Variants in TBC1D8 observed in about 807,000 individuals in gnomAD.
The protein encoded by TBC1D8 is TBC1 domain family member 8.
A neutral mutation model predicts 118.8 loss-of-function variants in TBC1D8; 65 were observed. The observed-to-expected ratio is 0.55, with a 90% confidence interval of 0.45 to 0.67. The LOEUF is 0.67. TBC1D8 is among the 30% of genes least tolerant of loss of function. The pLI, the probability that TBC1D8 is intolerant of heterozygous loss-of-function variation, is 0.00. For missense variants in TBC1D8, 1,376 were observed against 1,471.2 expected, an observed-to-expected ratio of 0.94 and a Z score of 1.06; for synonymous variants, 566 against 595.8, an observed-to-expected ratio of 0.95 and a Z score of 0.73.
chr2:101,089,761 T>C (rs551679490), intron 2 of TBC1D8, among the ~76,000 whole-genome samples: 17 of 152,036 alleles, frequency 1.1e-4, no homozygotes, highest in African/African-American at 3.1e-4. Context: ...CCATTATGTG[T>C]ATGCATCCAG....
chr2:101,057,218 T>C (rs1438093759), intron 3 of TBC1D8, among the ~76,000 whole-genome samples: 1 of 152,156 alleles, frequency 6.6e-6, no homozygotes, highest in Non-Finnish European at 1.5e-5. Context: ...TTTGTCGAGG[T>C]GTGTCCTGCT....
intron 17 of TBC1D8, among the ~76,000 whole-genome samples, chr2:101,013,886 G>C (rs1487869077): frequency 1.3e-5 from 2 of 152,156 alleles, no homozygotes; most frequent in Non-Finnish European, 2.9e-5. Context: ...AAGCAGTATA[G>C]GGCCTTCCTC....
chr2:101,033,962 G>A (rs926439584), intron 9 of TBC1D8, among the ~76,000 whole-genome samples: 3 of 152,074 alleles, frequency 2.0e-5, no homozygotes, highest in African/African-American at 4.8e-5. Context: ...TCAGGAGTTC[G>A]AGACCAGCCT....
intron 1 of TBC1D8, among the ~76,000 whole-genome samples, chr2:101,139,239 C>T (rs973343978): frequency 2.7e-5 from 4 of 149,036 alleles, no homozygotes; most frequent in Admixed American, 2.7e-4. Context: ...AGCAGCTTGG[C>T]CCCAAATCTA....
At chr2:101,084,766 G>A (rs993772332) in intron 2 of TBC1D8, among the ~76,000 whole-genome samples, 1 of 152,014 alleles carries the variant, frequency 6.6e-6, no homozygotes, top group African/African-American at 2.4e-5. Flanking sequence ...TGTCTGGTAC[G>A]TGGCAGGCAA....
intron 5 of TBC1D8, among the ~76,000 whole-genome samples, chr2:101,042,143 C>G (rs1409282822): frequency 6.6e-6 from 1 of 151,970 alleles, no homozygotes; most frequent in Non-Finnish European, 1.5e-5. Flanking sequence ...TGCAGTGGCT[C>G]ATGCATCACA....
chr2:101,024,055 T>G (rs887102938), intron 15 of TBC1D8: 4 of 152,428 alleles, frequency 2.6e-5, no homozygotes, highest in African/African-American at 9.6e-5. Context: ...CATGAATTTC[T>G]ATGTATATTC....
chr2:101,090,764 G>A (rs995984695), intron 1 of TBC1D8, among the ~76,000 whole-genome samples: 1 of 152,194 alleles, frequency 6.6e-6, no homozygotes, highest in African/African-American at 2.4e-5. Context: ...ACTTGTCTGT[G>A]CCCTGGATTC....
At chr2:101,084,815 T>C (rs1558687150) in intron 2 of TBC1D8, among the ~76,000 whole-genome samples, 2 of 151,420 alleles carry the variant, frequency 1.3e-5, no homozygotes, top group African/African-American at 4.9e-5. Flanking sequence ...GATTGTGAAG[T>C]GTCCTGAAAA....
intron 9 of TBC1D8, among the ~76,000 whole-genome samples, chr2:101,034,001 T>C (rs1414697669): frequency 6.6e-6 from 1 of 152,056 alleles, no homozygotes; most frequent in African/African-American, 2.4e-5. Flanking sequence ...CTGTCTCTAC[T>C]AAAAATACAA....
intron 1 of TBC1D8, among the ~76,000 whole-genome samples, chr2:101,092,848 G>A (rs1485839932): frequency 6.6e-6 from 1 of 152,098 alleles, no homozygotes; most frequent in African/African-American, 2.4e-5. Flanking sequence ...CTAATGGGGT[G>A]CCTCCAGGTC....
chr2:101,017,845 C>A (rs1404681345), intron 17 of TBC1D8: 1 of 1,550,556 alleles, frequency 6.4e-7, no homozygotes, highest in Non-Finnish European at 8.7e-7. Flanking sequence ...CAGCTACATG[C>A]AATTCCCAAT....
intron 5 of TBC1D8, among the ~76,000 whole-genome samples, chr2:101,045,199 C>A (rs1321549527): frequency 6.6e-6 from 1 of 152,184 alleles, no homozygotes; most frequent in African/African-American, 2.4e-5. Context: ...AGAAAAGTTA[C>A]ACTTACACAT....
At position 101,111,481 on chromosome 2, in the gene TBC1D8, G is replaced by A. The variant is rs533907138; in HGVS notation, c.128-21117C>T. 5.9e-5 allele frequency among the ~76,000 whole-genome samples: 9 copies of A among 152,292 alleles called. No individual in the cohort carries two copies. The South Asian group carries it at 6.2e-4, about 11-fold the overall frequency. On this transcript the variant is annotated intron_variant, in intron 1 of 19. Transcript: ENST00000409318. ...TGAGTGTGTGCGCGAGTGCAGGTCC[G>A]GAGGAGCATTTCAAGGGCATTGCAA...
At chr2:101,052,032 A>AATTTT (rs1682106870) in intron 4 of TBC1D8, among the ~76,000 whole-genome samples, 4 of 152,270 alleles carry the variant, frequency 2.6e-5, no homozygotes, top group African/African-American at 9.6e-5. Context: ...AGTTAACAAC[A>AATTTT]TATACCTTTC....
intron 17 of TBC1D8, 61 bp downstream of exon 17, chr2:101,021,620 A>G: frequency 8.7e-7 from 1 of 1,154,888 alleles, no homozygotes; most frequent in African/African-American, 1.5e-5. Flanking sequence ...AGAGTCATGC[A>G]CAAAGCTGAT....
intron 19 of TBC1D8, among the ~76,000 whole-genome samples, chr2:101,009,275 G>A (rs1179695205): frequency 1.3e-5 from 2 of 151,820 alleles, no homozygotes; most frequent in Admixed American, 6.6e-5. Context: ...GCTTGGTGGC[G>A]GGCGCCTGTA....
chr2:101,054,672 C>CTTCTTTTTTTTTTTTTT (rs1682298854), intron 3 of TBC1D8, among the ~76,000 whole-genome samples: 1 of 25,436 alleles, frequency 3.9e-5, no homozygotes, highest in Non-Finnish European at 5.9e-5. Flanking sequence ...CTTTTCTTTT[C>CTTCTTTTTTTTTTTTTT]TTTTTTTTTT....
Position 101,096,002 on chromosome 2 carries a change from T to C in TBC1D8, c.128-5638A>G, listed in dbSNP as rs1036008945. ...ACCACCACACCAACAGGCTCCAGTA[T>C]AATGACAGTAACGACAGCTGGAAGT... On this transcript the variant is annotated intron_variant, in intron 1 of 19. Coordinates refer to ENST00000409318, the MANE Select transcript of TBC1D8 (RefSeq NM_001330348.2). Among the ~76,000 whole-genome samples the C allele has an allele frequency of 5.9e-5, 9 of 152,352 alleles. 1 individual carries two copies. The East Asian group carries it at 1.7e-3, about 29-fold the overall frequency.
Sources: gnomAD v4.1 joint callset for allele counts (sites outside exome capture counted in the v4.1 genomes callset) on GRCh38, gnomAD v4.1.1 for gene constraint, MANE v1.5 for transcripts, NCBI Gene and HGNC (gene_info 2026-07-23, HGNC 2026-07-21) for gene names.